Variants in NEDD4 observed in about 807,000 individuals in gnomAD.
The protein encoded by NEDD4 is NEDD4 E3 ubiquitin protein ligase.
Under a neutral mutation model 144.9 loss-of-function variants are expected in NEDD4, and 99 were observed. That is an observed-to-expected ratio of 0.68 (90% CI 0.58 to 0.81). NEDD4 has a LOEUF of 0.81. Ranked by LOEUF, NEDD4 falls within the 30% of genes least tolerant of loss-of-function variation. The probability of loss-of-function intolerance (pLI) is 0.00; values close to 1 mark genes in which losing one functional copy is unlikely to be tolerated. For synonymous variants in NEDD4, 318 were observed against 350.6 expected, an observed-to-expected ratio of 0.91 and a Z score of 1.04; for missense variants, 985 against 1,065.9, an observed-to-expected ratio of 0.92 and a Z score of 1.06.
At chr15:55,976,235 T>C (rs2037698030) in intron 1 of NEDD4, among the ~76,000 whole-genome samples, 1 of 152,148 alleles carries the variant, frequency 6.6e-6, no homozygotes. Flanking sequence ...TTGGATCACA[T>C]CAACTTAAAA....
intron 8 of NEDD4, among the ~76,000 whole-genome samples, chr15:55,866,348 C>T (rs2034588419): frequency 6.6e-6 from 1 of 151,728 alleles, no homozygotes; most frequent in Admixed American, 6.6e-5. Context: ...TGTTGATCTT[C>T]CTTCTTTCTT....
At chr15:55,992,662 A>T (rs538498235) in intron 1 of NEDD4, among the ~76,000 whole-genome samples, 1 of 152,332 alleles carries the variant, frequency 6.6e-6, no homozygotes, top group South Asian at 2.1e-4. Flanking sequence ...ATCTCCAAGA[A>T]CACACAGAAG....
chr15:55,964,650 GGTGTGTGTGTGTGT>G (rs60902586), intron 2 of NEDD4, among the ~76,000 whole-genome samples: 2 of 144,308 alleles, frequency 1.4e-5, no homozygotes, highest in African/African-American at 2.6e-5. Context: ...TTTTGCTGCT[GGTGTGTGTGTGTGT>G]GTGTGTGTGT....
intron 5 of NEDD4, among the ~76,000 whole-genome samples, chr15:55,890,056 A>C (rs1183615618): frequency 1.3e-5 from 2 of 152,146 alleles, no homozygotes; most frequent in Non-Finnish European, 2.9e-5. Flanking sequence ...TTTGTAACAG[A>C]AAGGATAAAG....
intron 5 of NEDD4, among the ~76,000 whole-genome samples, chr15:55,914,538 A>G (rs1203473202): frequency 2.0e-5 from 3 of 152,012 alleles, no homozygotes; most frequent in Admixed American, 2.0e-4. Context: ...AATTTAAACC[A>G]AATTCAAAAA....
intron 5 of NEDD4, among the ~76,000 whole-genome samples, chr15:55,919,459 T>G (rs1367482280): frequency 2.0e-5 from 3 of 152,148 alleles, no homozygotes. Context: ...CTAGTCTGAG[T>G]TTAAATTCTA....
chr15:55,984,729 G>A (rs993528965), intron 1 of NEDD4, among the ~76,000 whole-genome samples: 5 of 152,138 alleles, frequency 3.3e-5, no homozygotes, highest in Non-Finnish European at 5.9e-5. Context: ...CTTTCTCCCT[G>A]CATTTATCTC....
chr15:55,942,024 A>G (rs2037015488), intron 4 of NEDD4, among the ~76,000 whole-genome samples: 1 of 151,844 alleles, frequency 6.6e-6, no homozygotes, highest in African/African-American at 2.4e-5. Flanking sequence ...ACAGGTTAAC[A>G]TGATTGGTAG....
intron 5 of NEDD4, chr15:55,905,348 A>C: frequency 2.2e-6 from 1 of 449,888 alleles, no homozygotes; most frequent in Non-Finnish European, 4.4e-6. Flanking sequence ...CTCAGAGAGA[A>C]GACACTAACA....
chr15:55,939,735 C>T (rs1244017640), intron 4 of NEDD4, among the ~76,000 whole-genome samples: 1 of 152,134 alleles, frequency 6.6e-6, no homozygotes, highest in Non-Finnish European at 1.5e-5. Context: ...AATCCCTGCA[C>T]ATGTTGGTAG....
chr15:55,976,922 C>T (rs1486307610), intron 1 of NEDD4, among the ~76,000 whole-genome samples: 1 of 152,010 alleles, frequency 6.6e-6, no homozygotes, highest in Admixed American at 6.6e-5. Context: ...TGTGAGCCAC[C>T]GTGCCTAGCC....
intron 13 of NEDD4, among the ~76,000 whole-genome samples, chr15:55,851,704 C>A (rs1412213752): frequency 2.0e-5 from 3 of 151,754 alleles, no homozygotes; most frequent in African/African-American, 7.3e-5. Context: ...CTTGAACTCC[C>A]GACCTCAGGT....
At chr15:55,884,841 T>C (rs774417212) in intron 5 of NEDD4, among the ~76,000 whole-genome samples, 3 of 152,136 alleles carry the variant, frequency 2.0e-5, no homozygotes, top group East Asian at 1.9e-4. Flanking sequence ...CGAAGAGGTA[T>C]TGTCTTTAAA....
intron 1 of NEDD4, among the ~76,000 whole-genome samples, chr15:55,971,171 G>C (rs566201509): frequency 5.3e-5 from 8 of 152,106 alleles, no homozygotes; most frequent in Non-Finnish European, 8.8e-5. Context: ...GAATGCATCA[G>C]AATCTCTCAA....
chr15:55,830,448 G>C (rs2032894368), intron 28 of NEDD4, 66 bp downstream of exon 28: 6 of 1,396,584 alleles, frequency 4.3e-6, no homozygotes, highest in Non-Finnish European at 6.1e-6. Context: ...CCCTGCTGTG[G>C]CTAGACTAAC....
chr15:55,968,225 A>G (rs2037549499), intron 1 of NEDD4, among the ~76,000 whole-genome samples: 1 of 152,176 alleles, frequency 6.6e-6, no homozygotes, highest in Non-Finnish European at 1.5e-5. Flanking sequence ...GTAAACAATA[A>G]CATTCAATCA....
chr15:55,905,499 T>C (rs2036060871), intron 5 of NEDD4, among the ~76,000 whole-genome samples: 1 of 151,924 alleles, frequency 6.6e-6, no homozygotes, highest in Non-Finnish European at 1.5e-5. Flanking sequence ...TAAAGAGAAA[T>C]AACAATAACA....
At chr15:55,956,851 A>G (rs76156588) in intron 2 of NEDD4, among the ~76,000 whole-genome samples, 3,205 of 152,224 alleles carry the variant, frequency 0.021, 51 homozygotes, top group Middle Eastern at 0.078. Flanking sequence ...ACTTGCTGAG[A>G]TTTTTATTGG....
intron 8 of NEDD4, among the ~76,000 whole-genome samples, chr15:55,864,607 G>A (rs893746438): frequency 1.3e-5 from 2 of 150,842 alleles, no homozygotes; most frequent in Non-Finnish European, 2.9e-5. Flanking sequence ...ACTTGAACCC[G>A]AGAGGCGGAG....
Sources: allele counts gnomAD v4.1 joint callset (sites outside exome capture counted in the v4.1 genomes callset), GRCh38; gene constraint gnomAD v4.1.1; transcripts MANE v1.5; gene names NCBI Gene and HGNC (gene_info 2026-07-23, HGNC 2026-07-21).